The following HELLS variants were observed in gnomAD, a reference collection of about 807,000 sequenced individuals.
The protein encoded by HELLS is helicase, lymphoid specific, also known as lymphoid-specific helicase.
In HELLS, 32 loss-of-function variants were observed where a neutral mutation model predicts 120.0. The observed-to-expected ratio is 0.27, with a 90% CI of 0.20 to 0.36. The LOEUF (loss-of-function observed/expected upper bound fraction) is 0.36. HELLS is among the 10% of genes least tolerant of loss of function. The probability of loss-of-function intolerance (pLI) is 1.00; values close to 1 mark genes in which losing one functional copy is unlikely to be tolerated. For synonymous variants in HELLS, 341 were observed against 323.4 expected (o/e 1.05, Z -0.58); for missense variants, 650 against 993.4 (o/e 0.65, Z 4.65).
intron 10 of HELLS, among the ~76,000 whole-genome samples, chr10:94,579,509 T>A (rs1844709508): frequency 6.6e-6 from 1 of 151,996 alleles, no homozygotes. Flanking sequence ...CATGTAGGTA[T>A]AATTTACACA....
chr10:94,593,665 ATTT>A (rs11346357), intron 18 of HELLS, 50 bp downstream of exon 18: 848 of 865,630 alleles, frequency 9.8e-4, no homozygotes, highest in Middle Eastern at 1.3e-3. Context: ...TCCATTTTGA[ATTT>A]TTTTTTTTTT....
chr10:94,583,763 TG>T (rs1286628728), intron 12 of HELLS, among the ~76,000 whole-genome samples: 5 of 152,138 alleles, frequency 3.3e-5, no homozygotes, highest in Non-Finnish European at 7.4e-5. Context: ...AAAATAAAAT[TG>T]TTCCTTAAGA....
At chr10:94,560,309 C>G (rs1207048866) in intron 4 of HELLS, among the ~76,000 whole-genome samples, 2 of 152,188 alleles carry the variant, frequency 1.3e-5, no homozygotes, top group African/African-American at 4.8e-5. Flanking sequence ...AGATTAAGTC[C>G]AGTTATTTGA....
chr10:94,594,951 C>T (rs1403463354), intron 19 of HELLS, 97 bp downstream of exon 19: 13 of 928,178 alleles, frequency 1.4e-5, no homozygotes, highest in Admixed American at 2.5e-5. Context: ...CAGCCTGGGC[C>T]GAGTTCTGTG....
chr10:94,605,643 C>CTT (rs1206815493), downstream of HELLS, among the ~76,000 whole-genome samples: 70 of 125,040 alleles, frequency 5.6e-4, no homozygotes, highest in African/African-American at 1.2e-3. Context: ...TTAATGGTTC[C>CTT]TTTTTTTTTT....
intron 12 of HELLS, among the ~76,000 whole-genome samples, chr10:94,583,493 T>C (rs1844974856): frequency 6.6e-6 from 1 of 152,152 alleles, no homozygotes; most frequent in Admixed American, 6.5e-5. Context: ...CATATGGGCC[T>C]GAAAAGCTTC....
At chr10:94,597,664 C>T (rs1845802558) in intron 21 of HELLS, among the ~76,000 whole-genome samples, 1 of 152,090 alleles carries the variant, frequency 6.6e-6, no homozygotes, top group Non-Finnish European at 1.5e-5. Context: ...TCCCTAGTAG[C>T]TAGTATTACA....
chr10:94,586,806 C>A (rs1422862893), intron 12 of HELLS, among the ~76,000 whole-genome samples: 1 of 152,090 alleles, frequency 6.6e-6, no homozygotes, highest in Admixed American at 6.5e-5. Context: ...ATTCTCCTGC[C>A]TCAGCCTTCC....
intron 9 of HELLS, among the ~76,000 whole-genome samples, chr10:94,608,851 TTGCAACTTCTGGCGGC>T (rs1381146335): frequency 2.6e-5 from 4 of 152,136 alleles, no homozygotes; most frequent in East Asian, 1.9e-4. Context: ...TTGCAAACTG[TTGCAACTTCTGGCGGC>T]TGCAACTTCT....
chr10:94,556,821 T>C (rs1445601575), intron 3 of HELLS, among the ~76,000 whole-genome samples: 1 of 152,048 alleles, frequency 6.6e-6, no homozygotes, highest in Non-Finnish European at 1.5e-5. Flanking sequence ...GATGTTTCAC[T>C]GTCTCCTAGC....
At position 94,546,515 on chromosome 10, in the gene HELLS, G is replaced by A; in HGVS notation, c.153+17G>A. On this transcript the variant is annotated intron_variant, in intron 2 of 21. Transcript: ENST00000348459. ...CTGGAAAAGGTAATTTAGGCATCAGGTTCGTCGTCGTGAAAGCCTGTGGTA... is the reference window on the plus strand; with the variant it reads ...CTGGAAAAGGTAATTTAGGCATCAGATTCGTCGTCGTGAAAGCCTGTGGTA... 6.2e-7 allele frequency: 1 copy of A among 1,613,724 alleles called. No individual in the cohort carries two copies. Among genetic ancestry groups the A allele is most frequent in the South Asian group, 1.1e-5 (1 of 91,076 alleles).
At chr10:94,554,997 G>A (rs1843179960) in intron 3 of HELLS, among the ~76,000 whole-genome samples, 1 of 151,980 alleles carries the variant, frequency 6.6e-6, no homozygotes, top group Non-Finnish European at 1.5e-5. Context: ...AGAAAAATTA[G>A]CTAGGTAAGG....
At chr10:94,578,020 G>A (rs1482423280) in intron 10 of HELLS, among the ~76,000 whole-genome samples, 2 of 143,612 alleles carry the variant, frequency 1.4e-5, no homozygotes, top group South Asian at 2.2e-4. Flanking sequence ...CCGAGATTGC[G>A]CCACTGCAGT....
Position 94,610,117 on chromosome 10 carries a change from C to G in HELLS, c.*266C>G, listed in dbSNP as rs1846174647. The G allele has an allele frequency of 1.3e-5, 2 of 152,128 alleles. 1 individual carries two copies. Among genetic ancestry groups the G allele is most frequent in the Admixed American group, 1.3e-4 (2 of 15,276 alleles). The allele number at this position is 152,128 out of a possible 1,614,324, so 9.4% of individuals were successfully genotyped here. A position where few individuals can be genotyped will look rare whatever the true frequency, so the allele number is the denominator to read the frequency against. ...TCACATTTCACCTAGAATGTATGGTCTCCCTCTCCCCTGCAAAATATCCCA... is the reference window on the plus strand; with the variant it reads ...TCACATTTCACCTAGAATGTATGGTGTCCCTCTCCCCTGCAAAATATCCCA... On this transcript the variant is annotated 3_prime_UTR_variant, in exon 10 of 10. Transcript: ENST00000371327.
chr10:94,553,726 T>A (rs1354424713), intron 2 of HELLS, among the ~76,000 whole-genome samples: 1 of 151,740 alleles, frequency 6.6e-6, no homozygotes, highest in Admixed American at 6.6e-5. Context: ...TTTTGTATTT[T>A]TAGTAGAGAT....
chr10:94,575,771 T>TTGTGTGTG (rs71031588), intron 9 of HELLS, among the ~76,000 whole-genome samples: 2 of 122,826 alleles, frequency 1.6e-5, no homozygotes, highest in African/African-American at 6.2e-5. Context: ...GGGGTTGTGT[T>TTGTGTGTG]TGTGTGTGTG....
At chr10:94,604,706 CT>C (rs1846108484), downstream of HELLS, among the ~76,000 whole-genome samples, 1 of 152,054 alleles carries the variant, frequency 6.6e-6, no homozygotes, top group Non-Finnish European at 1.5e-5. Context: ...TCAATAATTA[CT>C]TTTATTATGG....
At chr10:94,613,022 A>C (rs894384812) in exon 10 of HELLS, 8 of 152,152 alleles carry the variant, frequency 5.3e-5, no homozygotes, top group Non-Finnish European at 1.2e-4. Context: ...TCACTACTAT[A>C]TTTTGGAGAT....
At chr10:94,581,079 A>G (rs1213774388) in intron 10 of HELLS, among the ~76,000 whole-genome samples, 1 of 152,298 alleles carries the variant, frequency 6.6e-6, no homozygotes, top group Non-Finnish European at 1.5e-5. Flanking sequence ...CTTAAATTCA[A>G]AATAGGTGGA....
Sources: allele counts gnomAD v4.1 joint callset (sites outside exome capture counted in the v4.1 genomes callset), GRCh38; gene constraint gnomAD v4.1.1; transcripts MANE v1.5; gene names NCBI Gene and HGNC (gene_info 2026-07-23, HGNC 2026-07-21).